The following CLCN3 variants were observed in gnomAD, a reference collection of about 807,000 sequenced individuals.
CLCN3 encodes the protein H(+)/Cl(-) exchange transporter 3.
CLCN3 carries 16 observed loss-of-function variants against 83.4 expected under a neutral mutation model. The observed-to-expected ratio is 0.19, with a 90% confidence interval of 0.13 to 0.29. The LOEUF is 0.29. Among genes scored for constraint, CLCN3 ranks in the 10% least tolerant of loss-of-function variants. The probability of loss-of-function intolerance (pLI) is 1.00; values close to 1 mark genes in which losing one functional copy is unlikely to be tolerated. For missense variants in CLCN3, 544 were observed against 1,006.0 expected (o/e 0.54, Z 6.21); for synonymous variants, 322 against 346.2 (o/e 0.93, Z 0.78).
chr4:169,704,006 A>C lies in CLCN3; in HGVS notation c.1572A>C (p.Ser524=). 1 of 1,614,086 alleles carries C rather than the reference A, an allele frequency of 6.2e-7. No individual in the cohort carries two copies. Among genetic ancestry groups the C allele is most frequent in the African/African-American group, 1.3e-5 (1 of 75,054 alleles). ...TTCTGTTGTTGTTATAGGTTCCATC[A>C]GGCTTGTTCATCCCCAGCATGGCCA... The part of the protein sequence containing the change: ...TVFTFGIKVP[S]GLFIPSMAIG... The change falls in exon 10 of 13, where the codon TCA becomes TCC. Residue 524 remains serine, a synonymous_variant. Coordinates refer to ENST00000513761, the MANE Select transcript of CLCN3 (RefSeq NM_001829.4).
intron 11 of CLCN3, among the ~76,000 whole-genome samples, chr4:169,710,415 G>A (rs1270649237): frequency 6.6e-6 from 1 of 152,094 alleles, no homozygotes; most frequent in African/African-American, 2.4e-5. Context: ...ACAGGCATGC[G>A]CCACCATGAC....
Position 169,713,261 on chromosome 4 carries a change from C to G in CLCN3, c.2332C>G (p.Leu778Val). 6.2e-7 allele frequency: 1 copy of G among 1,614,054 alleles called. No individual in the cohort carries two copies. Among genetic ancestry groups the G allele is most frequent in the Non-Finnish European group, 8.5e-7 (1 of 1,179,942 alleles). ...GATCGTGGTGGATATTTTCCGAAAGCTGGGACTGAGGCAGTGCCTTGTAAC... is the reference window on the plus strand; with the variant it reads ...GATCGTGGTGGATATTTTCCGAAAGGTGGGACTGAGGCAGTGCCTTGTAAC... ...MEIVVDIFRK[L>V]GLRQCLVTHN... is the part of the protein sequence containing the mutation. The change falls in exon 12 of 13, where the codon CTG becomes GTG. Residue 778 changes from leucine to valine, a missense_variant. Physicochemically the swap from Leu to Val is conservative, Grantham distance 32. Around this residue, in one of 6 missense-constraint regions of CLCN3, gnomAD observed 142 missense variants for 225.0 expected, o/e 0.63. Coordinates refer to ENST00000513761, the MANE Select transcript of CLCN3 (RefSeq NM_001829.4).
chr4:169,666,509 G>T (rs1196534070), intron 2 of CLCN3, among the ~76,000 whole-genome samples: 1 of 152,186 alleles, frequency 6.6e-6, no homozygotes, highest in Admixed American at 6.5e-5. Context: ...TTCTATTGCA[G>T]CATTTTAAAT....
chr4:169,644,416 C>T (rs1730513016), intron 2 of CLCN3, among the ~76,000 whole-genome samples: 1 of 152,078 alleles, frequency 6.6e-6, no homozygotes, highest in Non-Finnish European at 1.5e-5. Flanking sequence ...CACCACCACG[C>T]CTGGCTAATT....
At chr4:169,714,307 G>T (rs1214266914) in intron 12 of CLCN3, among the ~76,000 whole-genome samples, 15 of 150,680 alleles carry the variant, frequency 1.0e-4, no homozygotes, top group Admixed American at 8.6e-4. Flanking sequence ...TTAACATGTT[G>T]TAGAAAACAC....
At chr4:169,718,196 T>C (rs956890646) in intron 12 of CLCN3, among the ~76,000 whole-genome samples, 18 of 152,060 alleles carry the variant, frequency 1.2e-4, no homozygotes, top group African/African-American at 4.3e-4. Flanking sequence ...CCTCAGTGGA[T>C]ACACCGGTCT....
In CLCN3 at chr4:169,687,688, G is replaced by A; in HGVS notation, c.349G>A (p.Glu117Lys). The A allele has an allele frequency of 1.2e-6, 2 of 1,611,012 alleles. No individual in the cohort carries two copies. Among genetic ancestry groups the A allele is most frequent in the Non-Finnish European group, 1.7e-6 (2 of 1,178,430 alleles). Residue 117 changes from glutamate (E) to lysine (K), a missense_variant, in exon 4 of 13, where the codon GAA (glutamate) becomes AAA (lysine). Around this residue, in one of 6 missense-constraint regions of CLCN3, gnomAD observed 96 missense variants for 202.1 expected, o/e 0.48. Transcript: ENST00000513761. The part of the protein sequence containing the change: ...INSKKKESAW[E>K]MTKSLYDAWS... ...CAGCAAAAAGAAAGAATCAGCATGG[G>A]AAATGACAAAAAGTTTGTATGATGC...
intron 12 of CLCN3, among the ~76,000 whole-genome samples, chr4:169,717,071 ATTTATG>A (rs1165448196): frequency 6.6e-6 from 1 of 152,172 alleles, no homozygotes; most frequent in Non-Finnish European, 1.5e-5. Context: ...CATTATGAGA[ATTTATG>A]TCCATCACTT....
At position 169,687,682 on chromosome 4, in the gene CLCN3, G is replaced by A; in HGVS notation, c.343G>A (p.Ala115Thr). 2.5e-6 allele frequency: 4 copies of A among 1,610,590 alleles called. No individual in the cohort carries two copies. In the East Asian group the frequency reaches 9.0e-5, roughly 36 times the overall value. ...GATCAACAGCAAAAAGAAAGAATCA[G>A]CATGGGAAATGACAAAAAGTTTGTA... Reference protein sequence around the residue: ...RRINSKKKESAWEMTKSLYDA... With the variant: ...RRINSKKKESTWEMTKSLYDA... Residue 115 changes from alanine (A) to threonine (T), a missense_variant, in exon 4 of 13, where the codon GCA becomes ACA. Coordinates refer to ENST00000513761, the MANE Select transcript of CLCN3 (RefSeq NM_001829.4).
chr4:169,653,640 C>CAAAAAA (rs70964215), intron 2 of CLCN3, among the ~76,000 whole-genome samples: 3 of 73,564 alleles, frequency 4.1e-5, no homozygotes, highest in Admixed American at 1.8e-4. Context: ...GACTCCGTCT[C>CAAAAAA]AAAAAAAAAA....
intron 9 of CLCN3, among the ~76,000 whole-genome samples, chr4:169,699,915 A>G (rs1206684909): frequency 6.6e-6 from 1 of 152,124 alleles, no homozygotes; most frequent in Non-Finnish European, 1.5e-5. Flanking sequence ...TAATAATAGT[A>G]ATAGAAAAGC....
At chr4:169,679,794 G>A (rs1731859498) in intron 2 of CLCN3, among the ~76,000 whole-genome samples, 1 of 152,178 alleles carries the variant, frequency 6.6e-6, no homozygotes, top group African/African-American at 2.4e-5. Context: ...GCAGGCTGAG[G>A]CAGGAGAATC....
chr4:169,719,567 A>G lies in CLCN3; in HGVS notation c.2367-340A>G, dbSNP rs184946478. Among the ~76,000 whole-genome samples the G allele has an allele frequency of 1.9e-3, 293 of 152,272 alleles. 3 individuals are homozygous for G. The highest frequency in any genetic ancestry group is 6.9e-3 in the African/African-American group (286 of 41,560). ...GATGGAAATCAATTTTCCTTCTCAA[A>G]TGGGATCAGTATCATTTCCTAGTCA... is the stretch of plus-strand genomic sequence containing the variant. On this transcript the variant is annotated intron_variant, in intron 12 of 12. Transcript: ENST00000513761.
At chr4:169,629,873 C>T (rs960124015) in intron 1 of CLCN3, among the ~76,000 whole-genome samples, 2 of 152,142 alleles carry the variant, frequency 1.3e-5, no homozygotes, top group Admixed American at 6.5e-5. Context: ...AGTGGGTCAG[C>T]GAAGCTTTGC....
At chr4:169,676,950 T>A (rs953184747) in intron 2 of CLCN3, among the ~76,000 whole-genome samples, 6 of 152,100 alleles carry the variant, frequency 3.9e-5, no homozygotes, top group Non-Finnish European at 7.4e-5. Context: ...TATTTCATAT[T>A]ACAATTTAAA....
chr4:169,707,449 A>G (rs937723622), intron 11 of CLCN3, among the ~76,000 whole-genome samples, 183 bp downstream of exon 11: 1 of 152,128 alleles, frequency 6.6e-6, no homozygotes, highest in African/African-American at 2.4e-5. Context: ...TCTGCTATTT[A>G]GCAGAAAATC....
intron 1 of CLCN3, among the ~76,000 whole-genome samples, chr4:169,625,910 C>T (rs1773222471): frequency 6.6e-6 from 1 of 152,154 alleles, no homozygotes; most frequent in Non-Finnish European, 1.5e-5. Context: ...GTTTCTCCCC[C>T]CACAGCAACC....
chr4:169,660,456 T>C (rs2150219197), intron 2 of CLCN3: 1 of 1,322,886 alleles, frequency 7.6e-7, no homozygotes, highest in Non-Finnish European at 9.6e-7. Flanking sequence ...GAGGTAATAC[T>C]ATCCCCTTGC....
chr4:169,643,182 A>G (rs1026870413), intron 2 of CLCN3: 8 of 152,248 alleles, frequency 5.3e-5, no homozygotes, highest in Admixed American at 3.3e-4. Context: ...CTTAATGAAA[A>G]GTAAAGGCTA....
Sources: gnomAD v4.1 joint callset for allele counts (sites outside exome capture counted in the v4.1 genomes callset) on GRCh38, gnomAD v4.1.1 for gene constraint, gnomAD v4.1.1 regional missense constraint, MANE v1.5 for transcripts, NCBI Gene and HGNC (gene_info 2026-07-23, HGNC 2026-07-21) for gene names.